The following TTC38 variants were observed in gnomAD, a reference collection of about 807,000 sequenced individuals.
TTC38 encodes the protein tetratricopeptide repeat protein 38.
TTC38 carries 64 observed loss-of-function variants against 64.2 expected under a neutral mutation model. The ratio of observed to expected loss-of-function variants is 1.00; its 90% confidence interval spans 0.81 to 1.23. The LOEUF (loss-of-function observed/expected upper bound fraction) is 1.23. Among genes scored for constraint, TTC38 ranks in the 50% most tolerant of loss-of-function variants. The pLI is 0.00. For missense variants in TTC38, 573 were observed against 615.5 expected (o/e 0.93, Z 0.73); for synonymous variants, 254 against 249.3 (o/e 1.02, Z -0.18).
rs752221451 is a variant in TTC38 at position 46,275,143 on chromosome 22, A to G, written c.366-105A>G. On this transcript the variant is annotated intron_variant, in intron 4 of 13. Coordinates refer to ENST00000381031, the MANE Select transcript of TTC38 (RefSeq NM_017931.4). This position sits in a 1 kb window ranked among gnomAD's most constrained non-coding sequence, Gnocchi z 4.5. ...GTCAGAAACTGATTTTTAAAAAAACACATCCATGTAGACCATGACACTGGT... is the reference window on the plus strand; with the variant it reads ...GTCAGAAACTGATTTTTAAAAAAACGCATCCATGTAGACCATGACACTGGT... 3.4e-4 allele frequency: 386 copies of G among 1,130,410 alleles called. No homozygotes were observed. The highest frequency in any genetic ancestry group is 4.4e-4 in the Non-Finnish European group (353 of 796,414). The allele number at this position is 1,130,410 out of a possible 1,614,324, so 70.0% of individuals were successfully genotyped here.
chr22:46,291,376 C>T lies in TTC38; in HGVS notation c.1317-1415C>T, dbSNP rs369749938. On this transcript the variant is annotated intron_variant, in intron 13 of 13. Transcript: ENST00000381031. This position sits in a 1 kb window ranked among gnomAD's most constrained non-coding sequence, Gnocchi z 4.6. ...GTGCCGATGTGGCCTTCTGCGGGGC[C>T]CAGTGGGGGAGGGCAGGGGGAGAGC... Among the ~76,000 whole-genome samples, 57 of 152,158 alleles carry T rather than the reference C, an allele frequency of 3.7e-4. No homozygotes were observed. In the Middle Eastern group the frequency reaches 0.014, roughly 36 times the overall value.
chr22:46,281,897 G>T lies in TTC38; in HGVS notation c.735+179G>T. 1.2e-6 allele frequency: 1 copy of T among 813,302 alleles called. No individual in the cohort carries two copies. The highest frequency in any genetic ancestry group is 2.0e-6 in the Non-Finnish European group (1 of 494,876). The allele number at this position is 813,302 out of a possible 1,614,324, so 50.4% of individuals were successfully genotyped here. Reference sequence around the variant, plus strand: ...TGAGCAGAATGCAATCAAGATTCCAGTCCCCACCCCAGGCCCATACCTTGC... The same window carrying T: ...TGAGCAGAATGCAATCAAGATTCCATTCCCCACCCCAGGCCCATACCTTGC... On this transcript the variant is annotated intron_variant, in intron 7 of 13. Transcript: ENST00000381031. This position sits in a 1 kb window ranked among gnomAD's most constrained non-coding sequence, Gnocchi z 5.2.
At position 46,273,418 on chromosome 22, in the gene TTC38, T is replaced by G. The variant is rs1936937971; in HGVS notation, c.194-480T>G. 6.6e-6 allele frequency among the ~76,000 whole-genome samples: 1 copy of G among 152,228 alleles called. No homozygotes were observed. The highest frequency in any genetic ancestry group is 6.5e-5 in the Admixed American group (1 of 15,292). ...GGGCCTGCACTCCTGCCAGCAAGGC[T>G]GCTGCGAGGGCCACAAGGCACTCAC... is the stretch of plus-strand genomic sequence containing the variant. On this transcript the variant is annotated intron_variant, in intron 3 of 13. Transcript: ENST00000381031. This position sits in a 1 kb window ranked among gnomAD's most constrained non-coding sequence, Gnocchi z 5.1.
At position 46,275,418 on chromosome 22, in the gene TTC38, G is replaced by A. The variant is rs369163736; in HGVS notation, c.536G>A (p.Ser179Asn). 7.0e-5 allele frequency: 112 copies of A among 1,607,796 alleles called. No homozygotes were observed. Among genetic ancestry groups the A allele is most frequent in the Non-Finnish European group, 8.7e-5 (102 of 1,177,674 alleles). ...TTCTGGACACCTGACATCCCCCTAA[G>A]CAGGTATGTGCCAGCTGGAAATCAC... is the stretch of plus-strand genomic sequence containing the variant. Reference protein sequence around the residue: ...YPFWTPDIPLSSYVKGIYSFG... With the variant: ...YPFWTPDIPLNSYVKGIYSFG... Residue 179 changes from serine (S) to asparagine (N), a missense_variant, in exon 5 of 14, where the codon AGC becomes AAC. By Grantham distance (46) the Ser-to-Asn change is conservative. Transcript: ENST00000381031. This position sits in a 1 kb window ranked among gnomAD's most constrained non-coding sequence, Gnocchi z 4.5.
In TTC38 at chr22:46,278,574, T is replaced by A. The variant is rs2077510162; in HGVS notation, c.540-12T>A. The A allele has an allele frequency of 3.7e-6, 6 of 1,611,760 alleles. No homozygotes were observed. The highest frequency in any genetic ancestry group is 5.1e-6 in the Non-Finnish European group (6 of 1,178,022). Reference sequence around the variant, plus strand: ...TCATTTTGTATTCTGAGATCTTTTTTTCTGTTTTTAGCTATGTGAAAGGCA... The same window carrying A: ...TCATTTTGTATTCTGAGATCTTTTTATCTGTTTTTAGCTATGTGAAAGGCA... On this transcript the variant is annotated splice_polypyrimidine_tract_variant and intron_variant, in intron 5 of 13. Transcript: ENST00000381031.
rs890023294 is a variant in TTC38 at position 46,273,336 on chromosome 22, C to T, written c.194-562C>T. On this transcript the variant is annotated intron_variant, in intron 3 of 13. Coordinates refer to ENST00000381031, the MANE Select transcript of TTC38 (RefSeq NM_017931.4). This position sits in a 1 kb window ranked among gnomAD's most constrained non-coding sequence, Gnocchi z 5.1. ...TGGGTCCTGGGTCCCAGGCCTGAGC[C>T]AGTGACCAAGTTCCAAATGCCAGTG... is the stretch of plus-strand genomic sequence containing the variant. Among the ~76,000 whole-genome samples, 1 of 152,230 alleles carries T rather than the reference C, an allele frequency of 6.6e-6. No individual in the cohort carries two copies. The highest frequency in any genetic ancestry group is 2.4e-5 in the African/African-American group (1 of 41,468).
intron 13 of TTC38, among the ~76,000 whole-genome samples, chr22:46,290,370 A>G (rs1466156007): frequency 6.6e-6 from 1 of 152,202 alleles, no homozygotes; most frequent in Non-Finnish European, 1.5e-5. Context: ...ACAGGGAGCA[A>G]TCAGTCCCAC....
At position 46,281,062 on chromosome 22, in the gene TTC38, C is replaced by T. The variant is rs1313369593; in HGVS notation, c.616-537C>T. ...GGCTGTTGTCATGAACTGTGATAAC[C>T]TCAGAGCCAGCTGTTTCTGCACCCA... On this transcript the variant is annotated intron_variant, in intron 6 of 13. Coordinates refer to ENST00000381031, the MANE Select transcript of TTC38 (RefSeq NM_017931.4). The surrounding 1 kb of genome is among the most constrained non-coding windows in gnomAD (Gnocchi z 5.2). 2.0e-5 allele frequency among the ~76,000 whole-genome samples: 3 copies of T among 152,230 alleles called. No individual in the cohort carries two copies. In the East Asian group the frequency reaches 5.8e-4, roughly 29 times the overall value.
chr22:46,272,983 G>C lies in TTC38; in HGVS notation c.193+567G>C, dbSNP rs1332159979. On this transcript the variant is annotated intron_variant, in intron 3 of 13. Transcript: ENST00000381031. The surrounding 1 kb of genome is among the most constrained non-coding windows in gnomAD (Gnocchi z 6.4). Reference sequence around the variant, plus strand: ...CGTGGTGCGGCAAGGTTCCGGGCCTGGGAGAAGGTCTGATGAGGGGACAGG... The same window carrying C: ...CGTGGTGCGGCAAGGTTCCGGGCCTCGGAGAAGGTCTGATGAGGGGACAGG... Among the ~76,000 whole-genome samples, 1 of 152,222 alleles carries C rather than the reference G, an allele frequency of 6.6e-6. No homozygotes were observed. Among genetic ancestry groups the C allele is most frequent in the Non-Finnish European group, 1.5e-5 (1 of 68,036 alleles).
At chr22:46,285,875 CGTG>C (rs2077568018) in intron 9 of TTC38, among the ~76,000 whole-genome samples, 1 of 151,404 alleles carries the variant, frequency 6.6e-6, no homozygotes, top group South Asian at 2.1e-4. Flanking sequence ...ATTAGCTAGG[CGTG>C]GTGGTGGGCA....
intron 1 of TTC38, 103 bp from the exon 2 acceptor site, chr22:46,268,411 G>A: frequency 7.9e-7 from 1 of 1,264,836 alleles, no homozygotes; most frequent in Non-Finnish European, 1.1e-6. Context: ...CCATTTTACA[G>A]ATGAGGAAGG....
Position 46,274,658 on chromosome 22 carries a change from G to A in TTC38, c.365+589G>A, listed in dbSNP as rs1244506890. On this transcript the variant is annotated intron_variant, in intron 4 of 13. Transcript: ENST00000381031. This position sits in a 1 kb window ranked among gnomAD's most constrained non-coding sequence, Gnocchi z 4.8. ...GTCTTCCTGGTAAGTCAGCCCAGGT[G>A]TGGGTTCCACCTCAGAGACTTCCTG... Among the ~76,000 whole-genome samples, 1 of 152,160 alleles carries A rather than the reference G, an allele frequency of 6.6e-6. No individual in the cohort carries two copies. Among genetic ancestry groups the A allele is most frequent in the Admixed American group, 6.5e-5 (1 of 15,286 alleles).
intron 2 of TTC38, 115 bp downstream of exon 2, chr22:46,268,706 G>A (rs1037366904): frequency 6.8e-6 from 7 of 1,028,242 alleles, no homozygotes; most frequent in African/African-American, 6.4e-5. Context: ...TGTTTTTGAG[G>A]CGGAGTCTCG....
At chr22:46,283,018 G>A (rs531872138) in intron 7 of TTC38, among the ~76,000 whole-genome samples, 85 of 152,216 alleles carry the variant, frequency 5.6e-4, no homozygotes, top group Middle Eastern at 3.4e-3. Flanking sequence ...AGCCTCGACC[G>A]CCTGGGCTCA....
Position 46,283,953 on chromosome 22 carries a change from C to CTTTTT in TTC38, c.736-11_736-7dup. ...GGCCTTCAGACTTTTCATAAATTCT[C>CTTTTT]TTTTTTTTTTTTTCTCCAGGACTCT... On this transcript the variant is annotated intron_variant, in intron 7 of 13. Coordinates refer to ENST00000381031, the MANE Select transcript of TTC38 (RefSeq NM_017931.4). The CTTTTT allele has an allele frequency of 7.6e-7, 1 of 1,313,264 alleles. No homozygotes were observed. The highest frequency in any genetic ancestry group is 1.0e-6 in the Non-Finnish European group (1 of 967,428). 81.4% of individuals were successfully genotyped at this position (1,313,264 alleles called of 1,614,324 possible). A position where few individuals can be genotyped will look rare whatever the true frequency, so the allele number is the denominator to read the frequency against.
In TTC38 at chr22:46,275,435, G is replaced by A; in HGVS notation, c.539+14G>A. On this transcript the variant is annotated intron_variant, in intron 5 of 13. Transcript: ENST00000381031. This position sits in a 1 kb window ranked among gnomAD's most constrained non-coding sequence, Gnocchi z 4.5. ...CCCCCTAAGCAGGTATGTGCCAGCTGGAAATCACATTATTTCTGTTTCTTA... is the reference window on the plus strand; with the variant it reads ...CCCCCTAAGCAGGTATGTGCCAGCTAGAAATCACATTATTTCTGTTTCTTA... 2 of 1,602,296 alleles carry A rather than the reference G, an allele frequency of 1.2e-6. No homozygotes were observed. Among genetic ancestry groups the A allele is most frequent in the Non-Finnish European group, 1.7e-6 (2 of 1,174,486 alleles).
At chr22:46,285,805 G>A (rs2077567416) in intron 9 of TTC38, among the ~76,000 whole-genome samples, 1 of 151,876 alleles carries the variant, frequency 6.6e-6, no homozygotes, top group Non-Finnish European at 1.5e-5. Context: ...TTGAGGTCAG[G>A]AGTTCAAGAC....
At chr22:46,288,640 G>A (rs2077589297) in intron 11 of TTC38, 52 bp downstream of exon 11, 1 of 1,577,206 alleles carries the variant, frequency 6.3e-7, no homozygotes, top group East Asian at 2.2e-5. Flanking sequence ...CCGAGAGGGT[G>A]AGGGGGTGCT....
rs1250342182 is a variant in TTC38 at position 46,274,484 on chromosome 22, C to T, written c.365+415C>T. On this transcript the variant is annotated intron_variant, in intron 4 of 13. Coordinates refer to ENST00000381031, the MANE Select transcript of TTC38 (RefSeq NM_017931.4). This position sits in a 1 kb window ranked among gnomAD's most constrained non-coding sequence, Gnocchi z 4.8. ...CTTGCACTGACTTTCACATCATCCC[C>T]CCGCTGTTCCTATGCTGGTTCCCTC... Among the ~76,000 whole-genome samples the T allele has an allele frequency of 6.6e-6, 1 of 152,230 alleles. No individual in the cohort carries two copies. The highest frequency in any genetic ancestry group is 1.5e-5 in the Non-Finnish European group (1 of 68,042).
Sources: allele counts gnomAD v4.1 joint callset (sites outside exome capture counted in the v4.1 genomes callset), GRCh38; gene constraint gnomAD v4.1.1; non-coding constraint Gnocchi (gnomAD v3.1); transcripts MANE v1.5; gene names NCBI Gene and HGNC (gene_info 2026-07-23, HGNC 2026-07-21).